RBM10: variants seen among roughly 807,000 people sequenced by gnomAD.
RBM10 encodes RNA binding motif protein 10.
A neutral mutation model predicts 84.9 loss-of-function variants in RBM10; 1 was observed. That is an observed-to-expected ratio of 0.01 (90% confidence interval 0.00 to 0.06). RBM10 has a LOEUF of 0.06. Among genes scored for constraint, RBM10 ranks in the 10% least tolerant of loss-of-function variants. RBM10 has a pLI of 1.00. For synonymous variants in RBM10, 326 were observed against 344.5 expected, an observed-to-expected ratio of 0.95 and a Z score of 0.60; for missense variants, 438 against 839.0, an observed-to-expected ratio of 0.52 and a Z score of 5.90.
intron 1 of RBM10, among the ~76,000 whole-genome samples, chrX:47,145,818 G>A (rs1422947587): frequency 2.9e-5 from 3 of 105,049 alleles, no homozygotes; most frequent in Non-Finnish European, 5.8e-5. Flanking sequence ...CTTTGAGTTT[G>A]TGCATAGGAG....
chrX:47,166,727 C>T (rs1196849813), intron 2 of RBM10, among the ~76,000 whole-genome samples: 10 of 109,739 alleles, frequency 9.1e-5, no homozygotes, highest in Non-Finnish European at 1.9e-4. Flanking sequence ...CCCACTTTCA[C>T]CCCGCAAAGT....
At position 47,180,088 on chromosome X, in the gene RBM10, G is replaced by A. The variant is rs782265397; in HGVS notation, c.1062+48G>A. The A allele has an allele frequency of 2.5e-5, 30 of 1,201,533 alleles. No homozygotes were observed. In the Admixed American group the frequency reaches 5.0e-4, roughly 20 times the overall value. Reference sequence around the variant, plus strand: ...CCGGGCAGCCAGGGTCCCGGCCCCCGGGGTGGAGACGAGGGTCCTTTTCCC... The same window carrying A: ...CCGGGCAGCCAGGGTCCCGGCCCCCAGGGTGGAGACGAGGGTCCTTTTCCC... On this transcript the variant is annotated intron_variant, in intron 10 of 23. Transcript: ENST00000377604.
At chrX:47,164,638 G>A (rs376904012) in intron 2 of RBM10, among the ~76,000 whole-genome samples, 8 of 112,019 alleles carry the variant, frequency 7.1e-5, no homozygotes, top group Non-Finnish European at 1.3e-4. Flanking sequence ...GTGAGGATGC[G>A]GGGAAATTGG....
rs781848192 is a variant in RBM10, at chrX:47,147,648, G to C, written c.17+150G>C. The C allele has an allele frequency of 5.3e-4, 380 of 710,751 alleles. 1 individual carries two copies. In the South Asian group the frequency reaches 9.1e-3, roughly 17 times the overall value. The allele number at this position is 710,751 out of a possible 1,213,427, so 58.6% of individuals were successfully genotyped here. A position where few individuals can be genotyped will look rare whatever the true frequency, so the allele number is the denominator to read the frequency against. On this transcript the variant is annotated intron_variant, in intron 2 of 23. Transcript: ENST00000377604. ...TTCAGCAGACAGGTGTTTGGCACCTGTTGTGAGCCAGGACCTGTGCTAGGC... is the reference window on the plus strand; with the variant it reads ...TTCAGCAGACAGGTGTTTGGCACCTCTTGTGAGCCAGGACCTGTGCTAGGC...
At chrX:47,162,816 A>G (rs1386720533) in intron 2 of RBM10, among the ~76,000 whole-genome samples, 1 of 109,093 alleles carries the variant, frequency 9.2e-6, no homozygotes, top group Non-Finnish European at 1.9e-5. Flanking sequence ...GGTTGCAATG[A>G]GCTGAGATGG....
At position 47,186,465 on chromosome X, in the gene RBM10, C is replaced by A. The variant is rs374290430; in HGVS notation, c.2668-9C>A. 4 of 1,205,947 alleles carry A rather than the reference C, an allele frequency of 3.3e-6. No individual in the cohort carries two copies. Among genetic ancestry groups the A allele is most frequent in the Admixed American group, 2.2e-5 (1 of 45,450 alleles). On this transcript the variant is annotated splice_polypyrimidine_tract_variant and intron_variant, in intron 23 of 23. Coordinates refer to ENST00000377604, the MANE Select transcript of RBM10 (RefSeq NM_005676.5). ...CACCAGCCTGACAGAGCCTGCCTCC[C>A]TCACACAGGCCCAAACACGGGTGCG...
rs1556782177 is a variant in RBM10, at chrX:47,185,768, C to T, written c.2408C>T (p.Ala803Val). Reference sequence around the variant, plus strand: ...CACTTGTCAGAAAACGAGCTAGAAGCACTAGAGAAGAATGACATGGAGGTG... The same window carrying T: ...CACTTGTCAGAAAACGAGCTAGAAGTACTAGAGAAGAATGACATGGAGGTG... Reference protein sequence around the residue: ...RAHLSENELEALEKNDMEQMK... With the variant: ...RAHLSENELEVLEKNDMEQMK... The change falls in exon 21 of 24, where the codon GCA (alanine) becomes GTA (valine). Residue 803 changes from alanine to valine, a missense_variant. This residue lies in a region of RBM10 where 92 missense variants were observed against 199.9 expected (regional missense o/e 0.46). Transcript: ENST00000377604. 1.7e-6 allele frequency: 2 copies of T among 1,211,614 alleles called. No homozygotes were observed. The highest frequency in any genetic ancestry group is 3.5e-5 in the African/African-American group (2 of 57,944).
intron 4 of RBM10, among the ~76,000 whole-genome samples, chrX:47,171,889 G>A (rs1213861097): frequency 6.3e-5 from 7 of 111,239 alleles, no homozygotes; most frequent in African/African-American, 1.6e-4. Flanking sequence ...CTACTCCGCC[G>A]CCCCTCACCC....
chrX:47,166,377 C>G (rs782094150), intron 2 of RBM10, among the ~76,000 whole-genome samples: 18 of 111,995 alleles, frequency 1.6e-4, no homozygotes, highest in Non-Finnish European at 3.0e-4. Context: ...TGCACTCAGC[C>G]TGGGCAACAG....
At chrX:47,174,993 C>T (rs782027059) in intron 5 of RBM10, 26 bp from the exon 6 acceptor site, 3 of 1,198,175 alleles carry the variant, frequency 2.5e-6, no homozygotes, top group Non-Finnish European at 2.3e-6. Flanking sequence ...TAACCCACTG[C>T]GTCTGTATCT....
At chrX:47,174,966 T>C in intron 5 of RBM10, 53 bp from the exon 6 acceptor site, 1 of 1,072,823 alleles carries the variant, frequency 9.3e-7, no homozygotes, top group East Asian at 3.0e-5. Context: ...GAACGCCGTG[T>C]GTCCAAAGCT....
At chrX:47,169,543 C>A in intron 3 of RBM10, 45 bp downstream of exon 3, 1 of 1,144,345 alleles carries the variant, frequency 8.7e-7, no homozygotes, top group Non-Finnish European at 1.2e-6. Context: ...GGATGGGCTC[C>A]CAAGGGCCCT....
In RBM10 at chrX:47,159,230, A is replaced by T. The variant is rs781823711; in HGVS notation, c.18-10085A>T. On this transcript the variant is annotated intron_variant, in intron 2 of 23. Coordinates refer to ENST00000377604, the MANE Select transcript of RBM10 (RefSeq NM_005676.5). ...TTCGAGACCAGCCTGACCAACATGGAGAAACGCCATCTCTACTAAAAATAA... is the reference window on the plus strand; with the variant it reads ...TTCGAGACCAGCCTGACCAACATGGTGAAACGCCATCTCTACTAAAAATAA... Among the ~76,000 whole-genome samples the T allele has an allele frequency of 1.1e-3, 124 of 111,141 alleles. 1 individual carries two copies. Among genetic ancestry groups the T allele is most frequent in the Non-Finnish European group, 2.0e-3 (106 of 52,933 alleles).
intron 17 of RBM10, 129 bp from the exon 18 acceptor site, chrX:47,184,926 T>C: frequency 1.3e-6 from 1 of 787,956 alleles, no homozygotes; most frequent in Non-Finnish European, 1.8e-6. Context: ...TGAAGCCTTC[T>C]GCAGTGGTTC....
In RBM10 at chrX:47,145,402, C is replaced by T. The variant is rs1932021478; in HGVS notation, c.-209C>T. Reference sequence around the variant, plus strand: ...ACTTGGTTGTTGCGCGCTCCGGCTCCGGCTGAGCTGGGAGAGTTGGAGGAG... The same window carrying T: ...ACTTGGTTGTTGCGCGCTCCGGCTCTGGCTGAGCTGGGAGAGTTGGAGGAG... On this transcript the variant is annotated 5_prime_UTR_variant, in exon 1 of 24. Transcript: ENST00000377604. The T allele has an allele frequency of 8.8e-7, 1 of 1,140,777 alleles. No homozygotes were observed. Among genetic ancestry groups the T allele is most frequent in the Non-Finnish European group, 1.2e-6 (1 of 859,472 alleles). 94.0% of individuals were successfully genotyped at this position (1,140,777 alleles called of 1,213,427 possible).
At chrX:47,178,297 G>A (rs1602580188) in intron 7 of RBM10, among the ~76,000 whole-genome samples, 1 of 111,202 alleles carries the variant, frequency 9.0e-6, no homozygotes, top group Non-Finnish European at 1.9e-5. Context: ...TGTTCCCTCC[G>A]ATAACAATCC....
intron 2 of RBM10, among the ~76,000 whole-genome samples, chrX:47,166,683 G>A (rs960963613): frequency 1.8e-5 from 2 of 109,828 alleles, no homozygotes; most frequent in Non-Finnish European, 3.8e-5. Flanking sequence ...ATCTTGCTAT[G>A]TTGTCCAGGC....
intron 17 of RBM10, among the ~76,000 whole-genome samples, chrX:47,184,757 C>T (rs1251420244): frequency 1.8e-5 from 2 of 111,422 alleles, no homozygotes; most frequent in African/African-American, 6.5e-5. Context: ...TGCCAAGTGC[C>T]TTGCAGGCTG....
chrX:47,166,483 TC>T (rs1162721874), intron 2 of RBM10, among the ~76,000 whole-genome samples: 1 of 110,576 alleles, frequency 9.0e-6, no homozygotes. Context: ...TTTTTTTTTT[TC>T]TTGAGATGGA....
Sources: allele counts gnomAD v4.1 joint callset (sites outside exome capture counted in the v4.1 genomes callset), GRCh38; gene constraint gnomAD v4.1.1; regional missense constraint gnomAD v4.1.1; transcripts MANE v1.5; gene names NCBI Gene and HGNC (gene_info 2026-07-23, HGNC 2026-07-21).